Variants in ADAM32 observed in about 807,000 individuals in gnomAD.
ADAM32 encodes disintegrin and metalloproteinase domain-containing protein 32.
ADAM32 carries 89 observed loss-of-function variants against 114.9 expected under a neutral mutation model. The ratio of observed to expected loss-of-function variants is 0.77; its 90% CI spans 0.65 to 0.92. The LOEUF (loss-of-function observed/expected upper bound fraction) is 0.92. Among genes scored for constraint, ADAM32 ranks in the 40% least tolerant of loss-of-function variants. The pLI, the probability that ADAM32 is intolerant of heterozygous loss-of-function variation, is 0.00. For synonymous variants in ADAM32, 285 were observed against 307.5 expected, an observed-to-expected ratio of 0.93 and a Z score of 0.77; for missense variants, 870 against 932.8, an observed-to-expected ratio of 0.93 and a Z score of 0.88.
intron 23 of ADAM32, among the ~76,000 whole-genome samples, chr8:39,281,624 A>C (rs1813423752): frequency 6.6e-6 from 1 of 152,182 alleles, no homozygotes; most frequent in Admixed American, 6.5e-5. Flanking sequence ...TTATAAACAC[A>C]CTAAAATTCT....
At chr8:39,123,704 CTT>C (rs34747712) in intron 2 of ADAM32, among the ~76,000 whole-genome samples, 21 of 132,136 alleles carry the variant, frequency 1.6e-4, no homozygotes, top group Admixed American at 4.7e-4. Flanking sequence ...ATTTTCTTTC[CTT>C]TTTTTTTTTT....
chr8:39,175,272 G>A (rs117100766), intron 10 of ADAM32, among the ~76,000 whole-genome samples: 3,240 of 152,238 alleles, frequency 0.021, 49 homozygotes, highest in Non-Finnish European at 0.034. Context: ...AGTTTATAAG[G>A]GGAATGCTTC....
chr8:39,222,569 C>A (rs1348580759), intron 13 of ADAM32, among the ~76,000 whole-genome samples: 1 of 152,062 alleles, frequency 6.6e-6, no homozygotes, highest in Non-Finnish European at 1.5e-5. Flanking sequence ...TCCAAAGACT[C>A]TCATAGTTGA....
intron 6 of ADAM32, chr8:39,158,519 C>T (rs961639693): frequency 5.0e-5 from 16 of 317,244 alleles, no homozygotes; most frequent in Middle Eastern, 2.2e-3. Context: ...GGGTCCTAGC[C>T]GGCCAGCTTC....
intron 2 of ADAM32, chr8:39,131,982 C>T (rs1366637676): frequency 3.1e-6 from 1 of 321,084 alleles, no homozygotes; most frequent in Non-Finnish European, 6.5e-6. Flanking sequence ...CAATCTCCGT[C>T]TCCCGGGTTC....
chr8:39,179,458 G>A (rs1312224264), intron 10 of ADAM32, among the ~76,000 whole-genome samples: 2 of 152,258 alleles, frequency 1.3e-5, no homozygotes, highest in South Asian at 2.1e-4. Context: ...TGGATCTCCC[G>A]CCTGGCAGGA....
At chr8:39,121,366 C>T (rs1396075578) in intron 2 of ADAM32, among the ~76,000 whole-genome samples, 9 of 152,010 alleles carry the variant, frequency 5.9e-5, no homozygotes, top group Admixed American at 1.3e-4. Flanking sequence ...TCACAAACAC[C>T]GCATGTTCTC....
intron 19 of ADAM32, among the ~76,000 whole-genome samples, chr8:39,258,042 C>A (rs1054929977): frequency 6.6e-6 from 1 of 151,968 alleles, no homozygotes; most frequent in Non-Finnish European, 1.5e-5. Flanking sequence ...ATCCCATAAC[C>A]TACCTAGTAT....
At chr8:39,142,614 T>C (rs1323613080) in intron 3 of ADAM32, among the ~76,000 whole-genome samples, 2 of 152,212 alleles carry the variant, frequency 1.3e-5, no homozygotes, top group Non-Finnish European at 2.9e-5. Flanking sequence ...AAGCCAACCT[T>C]TCTCTCTGGC....
At chr8:39,131,236 G>A (rs993343698) in intron 2 of ADAM32, among the ~76,000 whole-genome samples, 7 of 152,108 alleles carry the variant, frequency 4.6e-5, no homozygotes, top group African/African-American at 1.2e-4. Flanking sequence ...GATTACAGGC[G>A]TGAGCCACCG....
intron 20 of ADAM32, among the ~76,000 whole-genome samples, chr8:39,272,153 C>T (rs1812777560): frequency 7.7e-6 from 1 of 129,608 alleles, no homozygotes; most frequent in East Asian, 2.2e-4. Context: ...ATAAAAGAAA[C>T]ATAAGTAGGA....
rs1813041024 is a variant in ADAM32, at chr8:39,275,862, A to G, written c.2275A>G (p.Ser759Gly). The change falls in exon 22 of 25, where the codon AGC becomes GGC. Residue 759 changes from serine (S) to glycine (G), a missense_variant. Transcript: ENST00000379907. Reference sequence around the variant, plus strand: ...AGAAAGCAGCAGTCAAGCTGATACTAGCAAGTAAGTGAATTAGGGGGCATT... The same window carrying G: ...AGAAAGCAGCAGTCAAGCTGATACTGGCAAGTAAGTGAATTAGGGGGCATT... The part of the protein sequence containing the change: ...RSESSSQADT[S>G]KSKSEDSAEA... 1 of 1,558,804 alleles carries G rather than the reference A, an allele frequency of 6.4e-7. No individual in the cohort carries two copies. Among genetic ancestry groups the G allele is most frequent in the Non-Finnish European group, 8.7e-7 (1 of 1,151,096 alleles).
chr8:39,151,646 C>G, intron 6 of ADAM32, 98 bp downstream of exon 6: 2 of 797,616 alleles, frequency 2.5e-6, no homozygotes, highest in Non-Finnish European at 3.6e-6. Context: ...AGAATTGTAG[C>G]AAATATCCTT....
intron 16 of ADAM32, among the ~76,000 whole-genome samples, chr8:39,242,404 A>G (rs568875300): frequency 6.6e-6 from 1 of 152,296 alleles, no homozygotes; most frequent in South Asian, 2.1e-4. Flanking sequence ...CATGCTGCTG[A>G]TAAAGACATA....
At chr8:39,246,679 T>C (rs1810949199) in intron 17 of ADAM32, among the ~76,000 whole-genome samples, 1 of 152,234 alleles carries the variant, frequency 6.6e-6, no homozygotes, top group Non-Finnish European at 1.5e-5. Flanking sequence ...CTGTTTGTTA[T>C]AATTGATGAC....
At chr8:39,191,022 G>A (rs1258121825) in intron 11 of ADAM32, among the ~76,000 whole-genome samples, 1 of 151,232 alleles carries the variant, frequency 6.6e-6, no homozygotes, top group Non-Finnish European at 1.5e-5. Context: ...TTCTGTTCCT[G>A]TGTTAGTTTG....
intron 11 of ADAM32, among the ~76,000 whole-genome samples, chr8:39,195,083 T>G (rs764299639): frequency 1.6e-4 from 25 of 152,162 alleles, no homozygotes; most frequent in Non-Finnish European, 3.4e-4. Flanking sequence ...CAGTGCATAG[T>G]AGCCTTGTGT....
chr8:39,214,223 A>T lies in ADAM32; in HGVS notation c.1233+2899A>T, dbSNP rs930885589. On this transcript the variant is annotated intron_variant, in intron 12 of 24. Transcript: ENST00000379907. ...TACCTAGGAGTGGGATTGCTAGATC[A>T]TATGGTAGCTCTATTTTTAGTTTTC... Among the ~76,000 whole-genome samples the T allele has an allele frequency of 2.0e-5, 3 of 152,178 alleles. No homozygotes were observed. In the East Asian group the frequency reaches 5.8e-4, roughly 29 times the overall value.
chr8:39,284,833 AGTCTCGC>A lies in ADAM32; in HGVS notation c.*35_*41del. ...TCAGAAGGCAACGGATAACATCGAG[AGTCTCGC>A]TAAGAAATGAAAATTCTGTCTTTCC... is the stretch of plus-strand genomic sequence containing the variant. On this transcript the variant is annotated 3_prime_UTR_variant, in exon 25 of 25. Coordinates refer to ENST00000379907, the MANE Select transcript of ADAM32 (RefSeq NM_145004.7). The A allele has an allele frequency of 6.2e-7, 1 of 1,611,692 alleles. No homozygotes were observed. The highest frequency in any genetic ancestry group is 8.5e-7 in the Non-Finnish European group (1 of 1,178,024).
Sources: allele counts gnomAD v4.1 joint callset (sites outside exome capture counted in the v4.1 genomes callset), GRCh38; gene constraint gnomAD v4.1.1; transcripts MANE v1.5; gene names NCBI Gene and HGNC (gene_info 2026-07-23, HGNC 2026-07-21).